COL14A1: variants seen among roughly 807,000 people sequenced by gnomAD.
COL14A1 encodes the protein collagen type XIV alpha 1 chain.
In COL14A1, 136 loss-of-function variants were observed where a neutral mutation model predicts 230.3. The ratio of observed to expected loss-of-function variants is 0.59; its 90% CI spans 0.51 to 0.68. The LOEUF is 0.68. COL14A1 is among the 30% of genes least tolerant of loss of function. The probability of loss-of-function intolerance (pLI) is 0.00; values close to 1 mark genes in which losing one functional copy is unlikely to be tolerated. For synonymous variants in COL14A1, 792 were observed against 784.1 expected (o/e 1.01, Z -0.17); for missense variants, 1,976 against 2,215.8 (o/e 0.89, Z 2.17).
At chr8:120,188,541 T>A (rs1199903892) in intron 5 of COL14A1, among the ~76,000 whole-genome samples, 2 of 152,338 alleles carry the variant, frequency 1.3e-5, no homozygotes, top group African/African-American at 4.8e-5. Context: ...ATTCTATCTG[T>A]GACATGAAAC....
intron 36 of COL14A1, among the ~76,000 whole-genome samples, chr8:120,307,921 T>C (rs1225361564): frequency 6.6e-6 from 1 of 152,240 alleles, no homozygotes; most frequent in Non-Finnish European, 1.5e-5. Flanking sequence ...TTCTGAGAAA[T>C]ACTAACAGTT....
At chr8:120,312,094 A>G (rs1821062465) in intron 37 of COL14A1, among the ~76,000 whole-genome samples, 1 of 151,950 alleles carries the variant, frequency 6.6e-6, no homozygotes, top group Non-Finnish European at 1.5e-5. Flanking sequence ...GCAAGACTCC[A>G]TCTCAAATAA....
rs147717377 is a variant in COL14A1, at chr8:120,339,270, C to T, written c.4786-2055C>T. ...CCTCCCAAAGTGTTGGGATTACAGG[C>T]GTGAGCCACCGCGCCCTGCCATCTT... is the stretch of plus-strand genomic sequence containing the variant. On this transcript the variant is annotated intron_variant, in intron 42 of 47. Transcript: ENST00000297848. 4.7e-3 allele frequency among the ~76,000 whole-genome samples: 719 copies of T among 152,308 alleles called. 3 individuals carry two copies. Among genetic ancestry groups the T allele is most frequent in the African/African-American group, 0.017 (698 of 41,564 alleles).
At position 120,212,528 on chromosome 8, in the gene COL14A1, C is replaced by T. The variant is rs747764804; in HGVS notation, c.1548C>T (p.Ala516=). 1.7e-5 allele frequency: 27 copies of T among 1,613,454 alleles called. No homozygotes were observed. The highest frequency in any genetic ancestry group is 2.0e-5 in the Non-Finnish European group (24 of 1,179,690). The stretch of plus-strand genomic sequence containing the variant: ...CAGAATACACAGTCACAGTTTATGC[C>T]ATGTTTGGAGAAGAGGCCAGTGATC... The part of the protein sequence containing the change: ...PNTEYTVTVY[A]MFGEEASDPV... Residue 516 remains alanine, a synonymous_variant, in exon 13 of 48, where the codon GCC becomes GCT. Coordinates refer to ENST00000297848, the MANE Select transcript of COL14A1 (RefSeq NM_021110.4).
At chr8:120,139,674 A>G (rs995542554) in intron 1 of COL14A1, among the ~76,000 whole-genome samples, 2 of 152,146 alleles carry the variant, frequency 1.3e-5, no homozygotes, top group Non-Finnish European at 2.9e-5. Context: ...ACCAATTAGA[A>G]ATTTTTGAGA....
intron 7 of COL14A1, among the ~76,000 whole-genome samples, chr8:120,199,017 G>C (rs940553186): frequency 6.6e-6 from 1 of 152,038 alleles, no homozygotes; most frequent in Admixed American, 6.6e-5. Context: ...GGGATTTTTT[G>C]GTTCTTTAGA....
intron 5 of COL14A1, among the ~76,000 whole-genome samples, chr8:120,174,056 CA>C (rs1475456311): frequency 1.3e-5 from 2 of 152,016 alleles, no homozygotes; most frequent in Non-Finnish European, 2.9e-5. Context: ...GGCACATTTC[CA>C]GAAGTTGAAA....
chr8:120,323,782 G>A (rs868368523), intron 40 of COL14A1, among the ~76,000 whole-genome samples: 3 of 152,126 alleles, frequency 2.0e-5, no homozygotes, highest in African/African-American at 7.2e-5. Flanking sequence ...CTATGTGTCT[G>A]TTCTTGTACA....
intron 40 of COL14A1, among the ~76,000 whole-genome samples, chr8:120,319,515 C>T (rs936536806): frequency 2.0e-5 from 3 of 152,072 alleles, no homozygotes; most frequent in Non-Finnish European, 4.4e-5. Context: ...AAACTTAAAG[C>T]GCAAACCAGG....
At chr8:120,209,696 T>C in intron 11 of COL14A1, 60 bp from the exon 12 acceptor site, 1 of 1,491,378 alleles carries the variant, frequency 6.7e-7, no homozygotes, top group Non-Finnish European at 9.1e-7. Flanking sequence ...CTTGATAATT[T>C]CATTTTTCTC....
At chr8:120,276,187 A>G (rs1819837679) in intron 26 of COL14A1, among the ~76,000 whole-genome samples, 1 of 151,406 alleles carries the variant, frequency 6.6e-6, no homozygotes, top group Admixed American at 6.6e-5. Context: ...ACTCAGCCAT[A>G]AAAAAGAACA....
intron 38 of COL14A1, among the ~76,000 whole-genome samples, chr8:120,314,570 A>T (rs1273468141): frequency 3.9e-5 from 6 of 152,208 alleles, no homozygotes; most frequent in African/African-American, 1.4e-4. Flanking sequence ...CCATTCACTG[A>T]TCTTCATTAA....
Position 120,349,846 on chromosome 8 carries a change from G to A in COL14A1, c.5077+4283G>A, listed in dbSNP as rs200202258. ...TATCCAGGAGAACTTCCCCAATCTA[G>A]CAAGGCAGGCCAATGTTCAGATTCA... On this transcript the variant is annotated intron_variant, in intron 45 of 47. Transcript: ENST00000297848. Among the ~76,000 whole-genome samples the A allele has an allele frequency of 4.5e-4, 65 of 145,936 alleles. 1 individual carries two copies. In the East Asian group the frequency reaches 0.012, roughly 27 times the overall value.
chr8:120,124,750 G>C (rs1273349984), upstream of COL14A1, among the ~76,000 whole-genome samples: 2 of 152,126 alleles, frequency 1.3e-5, no homozygotes, highest in African/African-American at 4.8e-5. Flanking sequence ...TGGGGAAGTG[G>C]GCACACAGCA....
chr8:120,278,977 A>T (rs989452751), intron 28 of COL14A1, among the ~76,000 whole-genome samples: 1 of 152,132 alleles, frequency 6.6e-6, no homozygotes, highest in African/African-American at 2.4e-5. Context: ...GCCATAAAAA[A>T]GAATGAGTTC....
At chr8:120,238,458 C>T (rs750251160) in intron 19 of COL14A1, among the ~76,000 whole-genome samples, 2 of 152,126 alleles carry the variant, frequency 1.3e-5, no homozygotes, top group Non-Finnish European at 2.9e-5. Context: ...ACCCCTCCCC[C>T]CACCAAGCTC....
At chr8:120,144,019 C>T (rs1815005593) in intron 1 of COL14A1, among the ~76,000 whole-genome samples, 1 of 152,012 alleles carries the variant, frequency 6.6e-6, no homozygotes, top group South Asian at 2.1e-4. Context: ...AATTAGGTAA[C>T]TTCAATTGAT....
At chr8:120,279,255 C>T (rs893024563) in intron 28 of COL14A1, among the ~76,000 whole-genome samples, 3 of 151,818 alleles carry the variant, frequency 2.0e-5, no homozygotes, top group Non-Finnish European at 4.4e-5. Flanking sequence ...CCATGGCACA[C>T]GTATACCTAT....
chr8:120,356,665 T>C (rs1239030735), intron 45 of COL14A1, among the ~76,000 whole-genome samples: 1 of 151,894 alleles, frequency 6.6e-6, no homozygotes, highest in Non-Finnish European at 1.5e-5. Flanking sequence ...GGATAACATA[T>C]CCTGTACTCC....
Sources: gnomAD v4.1 joint callset for allele counts (sites outside exome capture counted in the v4.1 genomes callset) on GRCh38, gnomAD v4.1.1 for gene constraint, MANE v1.5 for transcripts, NCBI Gene and HGNC (gene_info 2026-07-23, HGNC 2026-07-21) for gene names.